Variants in PEX13 observed in about 807,000 individuals in gnomAD.
PEX13 encodes peroxisome biogenesis factor 13.
PEX13 carries 28 observed loss-of-function variants against 34.5 expected under a neutral mutation model. That is an observed-to-expected ratio of 0.81 (90% CI 0.60 to 1.11). The LOEUF is 1.11. Ranked by LOEUF, PEX13 falls within the 50% of genes most tolerant of loss-of-function variation. The pLI, the probability that PEX13 is intolerant of heterozygous loss-of-function variation, is 0.00. For missense variants in PEX13, 550 were observed against 491.0 expected, an observed-to-expected ratio of 1.12 and a Z score of -1.13; for synonymous variants, 177 against 175.1, an observed-to-expected ratio of 1.01 and a Z score of -0.09.
intron 1 of PEX13, 112 bp downstream of exon 1, chr2:61,017,963 A>T (rs1426495988): frequency 7.5e-6 from 10 of 1,340,466 alleles, no homozygotes; most frequent in Non-Finnish European, 9.2e-6. Context: ...TTTAACCAAT[A>T]CCCAACCTTG....
chr2:61,025,996 A>G (rs1387197669), intron 1 of PEX13, among the ~76,000 whole-genome samples: 2 of 151,820 alleles, frequency 1.3e-5, no homozygotes, highest in African/African-American at 4.8e-5. Context: ...GAGTCTTAAA[A>G]TCTCTGCCCA....
At chr2:61,037,076 A>G (rs997320817) in intron 2 of PEX13, among the ~76,000 whole-genome samples, 5 of 152,372 alleles carry the variant, frequency 3.3e-5, no homozygotes, top group East Asian at 3.9e-4. Context: ...AGAGCTAACT[A>G]TCCTAAATAT....
chr2:61,030,685 A>G (rs1268290415), intron 1 of PEX13, among the ~76,000 whole-genome samples: 2 of 152,220 alleles, frequency 1.3e-5, no homozygotes, highest in Non-Finnish European at 2.9e-5. Context: ...TAAAATAAGT[A>G]TATGTATTGA....
intron 2 of PEX13, among the ~76,000 whole-genome samples, chr2:61,040,696 C>T (rs941888357): frequency 2.7e-5 from 4 of 150,562 alleles, no homozygotes; most frequent in East Asian, 3.9e-4. Flanking sequence ...TGTAACAAAC[C>T]GGCACACTGT....
At chr2:61,036,665 A>G (rs1357323464) in intron 2 of PEX13, among the ~76,000 whole-genome samples, 1 of 152,246 alleles carries the variant, frequency 6.6e-6, no homozygotes, top group Non-Finnish European at 1.5e-5. Flanking sequence ...CAGCCACTGC[A>G]AAAACATGCC....
intron 1 of PEX13, among the ~76,000 whole-genome samples, chr2:61,023,616 C>T (rs920523450): frequency 6.6e-6 from 1 of 151,964 alleles, no homozygotes; most frequent in African/African-American, 2.4e-5. Context: ...CTATAAGTAA[C>T]ATTATCTGAC....
chr2:61,018,390 A>G, intron 1 of PEX13: 1 of 1,413,230 alleles, frequency 7.1e-7, no homozygotes, highest in Non-Finnish European at 9.4e-7. Context: ...TTGGAGAAGC[A>G]ACTTTAAAGC....
chr2:61,018,203 C>T (rs1680144255), intron 1 of PEX13: 2 of 1,550,860 alleles, frequency 1.3e-6, no homozygotes, highest in South Asian at 1.2e-5. Flanking sequence ...TGGTCTGTAG[C>T]AGTTGAGAGC....
At position 61,031,586 on chromosome 2, in the gene PEX13, A is replaced by G. The variant is rs367843599; in HGVS notation, c.260A>G (p.Asn87Ser). 99 of 1,614,030 alleles carry G rather than the reference A, an allele frequency of 6.1e-5. No homozygotes were observed. The highest frequency in any genetic ancestry group is 6.5e-5 in the Non-Finnish European group (77 of 1,180,036). Residue 87 changes from asparagine to serine, a missense_variant, in exon 2 of 4, where the codon AAT (asparagine) becomes AGT (serine). By Grantham distance (46) the Asn-to-Ser change is conservative. Coordinates refer to ENST00000295030, the MANE Select transcript of PEX13 (RefSeq NM_002618.4). Reference protein sequence around the residue: ...SFSSGYGAYGNSFYGGYSPYS... With the variant: ...SFSSGYGAYGSSFYGGYSPYS... ...TCTTCTGGATATGGTGCCTATGGAA[A>G]TTCATTTTATGGAGGCTATAGTCCT...
chr2:61,044,849 T>C (rs542445351), intron 2 of PEX13, among the ~76,000 whole-genome samples: 5 of 152,362 alleles, frequency 3.3e-5, no homozygotes, highest in African/African-American at 1.2e-4. Context: ...ACACAAGCAG[T>C]ATCTCCATTC....
chr2:61,032,036 T>C lies in PEX13; in HGVS notation c.710T>C (p.Phe237Ser). The change falls in exon 2 of 4, where the codon TTC (phenylalanine) becomes TCC (serine). Residue 237 changes from phenylalanine to serine, a missense_variant. Coordinates refer to ENST00000295030, the MANE Select transcript of PEX13 (RefSeq NM_002618.4). ...ACCTCAGCAAAATCTTGGCCAATATTCTTGTTCTTTGCTGTTATCCTTGGT... is the reference window on the plus strand; with the variant it reads ...ACCTCAGCAAAATCTTGGCCAATATCCTTGTTCTTTGCTGTTATCCTTGGT... ...AATSAKSWPI[F>S]LFFAVILGGP... is the part of the protein sequence containing the mutation. 6.2e-7 allele frequency: 1 copy of C among 1,613,844 alleles called. No homozygotes were observed. The highest frequency in any genetic ancestry group is 8.5e-7 in the Non-Finnish European group (1 of 1,179,892).
rs1292457432 is a variant in PEX13 at position 61,017,819 on chromosome 2, C to CGGACCG, written c.66_71dup (p.Gly27_Pro28dup). ...GGGAGACCCGCCGAATTCCGGGAGC[C>CGGACCG]GGACCGGGACCAGGACCGGGCCCCA... On this transcript the variant is annotated inframe_insertion, in exon 1 of 4. Transcript: ENST00000295030. 6.4e-7 allele frequency: 1 copy of CGGACCG among 1,550,434 alleles called. No individual in the cohort carries two copies. The highest frequency in any genetic ancestry group is 1.4e-5 in the African/African-American group (1 of 73,050).
intron 1 of PEX13, 107 bp downstream of exon 1, chr2:61,017,958 C>T (rs1169427770): frequency 7.4e-7 from 1 of 1,359,406 alleles, no homozygotes; most frequent in African/African-American, 1.4e-5. Context: ...CCCCCTTTAA[C>T]CAATACCCAA....
chr2:61,024,921 C>A (rs900865909), intron 1 of PEX13, among the ~76,000 whole-genome samples: 3 of 152,162 alleles, frequency 2.0e-5, no homozygotes, highest in African/African-American at 7.2e-5. Context: ...ATTATAGTTC[C>A]TATTTTCTTT....
Position 61,049,041 on chromosome 2 carries a change from C to A in PEX13, c.*271C>A. 6.8e-6 allele frequency: 3 copies of A among 439,996 alleles called. No individual in the cohort carries two copies. The highest frequency in any genetic ancestry group is 2.0e-5 in the African/African-American group (1 of 50,338). The allele number at this position is 439,996 out of a possible 1,614,324, so 27.3% of individuals were successfully genotyped here. ...GCTGTCATTTTTATCTTATTTAAAT[C>A]TCTAGGTTTATTGGAAGAGTAAGAT... On this transcript the variant is annotated 3_prime_UTR_variant, in exon 4 of 4. Coordinates refer to ENST00000295030, the MANE Select transcript of PEX13 (RefSeq NM_002618.4).
intron 2 of PEX13, among the ~76,000 whole-genome samples, chr2:61,037,113 G>C (rs1031360730): frequency 1.3e-5 from 2 of 152,184 alleles, no homozygotes; most frequent in South Asian, 2.1e-4. Flanking sequence ...GGAGCACCCA[G>C]ATTCATAAAG....
At chr2:61,018,188 G>T in intron 1 of PEX13, 1 of 1,550,900 alleles carries the variant, frequency 6.4e-7, no homozygotes, top group Non-Finnish European at 8.7e-7. Flanking sequence ...TTAAAGCGTA[G>T]ACTTTGGTCT....
chr2:61,048,320 T>C, intron 3 of PEX13, 152 bp from the exon 4 acceptor site: 2 of 678,124 alleles, frequency 2.9e-6, no homozygotes, highest in South Asian at 1.7e-5. Flanking sequence ...TTAAGCCTAC[T>C]CAGCATTTGA....
At chr2:61,022,968 C>G (rs988766489) in intron 1 of PEX13, among the ~76,000 whole-genome samples, 1 of 151,700 alleles carries the variant, frequency 6.6e-6, no homozygotes, top group Non-Finnish European at 1.5e-5. Flanking sequence ...GGTTTTGTAT[C>G]AAAGTTTTAT....
Sources: gnomAD v4.1 joint callset for allele counts (sites outside exome capture counted in the v4.1 genomes callset) on GRCh38, gnomAD v4.1.1 for gene constraint, MANE v1.5 for transcripts, NCBI Gene and HGNC (gene_info 2026-07-23, HGNC 2026-07-21) for gene names.